RBBP6: variants seen among roughly 807,000 people sequenced by gnomAD.
The protein encoded by RBBP6 is RB binding protein 6, ubiquitin ligase.
Under a neutral mutation model 167.7 loss-of-function variants are expected in RBBP6, and 25 were observed. That is an observed-to-expected ratio of 0.15 (90% confidence interval 0.11 to 0.21). RBBP6 has a LOEUF of 0.21. Among genes scored for constraint, RBBP6 ranks in the 10% least tolerant of loss-of-function variants. The pLI is 1.00. For synonymous variants in RBBP6, 789 were observed against 735.8 expected, an observed-to-expected ratio of 1.07 and a Z score of -1.17; for missense variants, 1,868 against 2,134.2, an observed-to-expected ratio of 0.88 and a Z score of 2.46.
chr16:24,569,710 G>C lies in RBBP6; in HGVS notation c.3020G>C (p.Arg1007Thr). The change falls in exon 17 of 18, where the codon AGA (arginine) becomes ACA (threonine). Residue 1007 changes from arginine to threonine, a missense_variant. Coordinates refer to ENST00000319715, the MANE Select transcript of RBBP6 (RefSeq NM_006910.5). ...AAATCAGTGTCTGAAAAAGACAAGA[G>C]AGAAAGGGATAAACCAAAAGCAAAG... The part of the protein sequence containing the change: ...TFKSVSEKDK[R>T]ERDKPKAKGD... 6.2e-7 allele frequency: 1 copy of C among 1,614,006 alleles called. No homozygotes were observed. The highest frequency in any genetic ancestry group is 2.2e-5 in the East Asian group (1 of 44,868).
intron 2 of RBBP6, among the ~76,000 whole-genome samples, chr16:24,547,732 A>G (rs915463255): frequency 1.3e-5 from 2 of 152,230 alleles, no homozygotes; most frequent in Non-Finnish European, 2.9e-5. Flanking sequence ...CTGAGATTAC[A>G]GGCGTGAGCC....
At chr16:24,542,844 C>T (rs1898538999) in intron 1 of RBBP6, among the ~76,000 whole-genome samples, 1 of 151,832 alleles carries the variant, frequency 6.6e-6, no homozygotes, top group Admixed American at 6.6e-5. Flanking sequence ...TTTTCCTAGC[C>T]CAGGAAATAA....
At chr16:24,546,876 TTAAA>T (rs1339613175) in intron 2 of RBBP6, among the ~76,000 whole-genome samples, 1 of 152,170 alleles carries the variant, frequency 6.6e-6, no homozygotes, top group African/African-American at 2.4e-5. Context: ...GTTGTAAGAA[TTAAA>T]TAGTGTCTGG....
intron 7 of RBBP6, among the ~76,000 whole-genome samples, chr16:24,559,069 AGGGGAGATTTTTTG>A (rs1898987019): frequency 6.6e-6 from 1 of 152,150 alleles, no homozygotes; most frequent in Non-Finnish European, 1.5e-5. Flanking sequence ...GTTATGGAGA[AGGGGAGATTTTTTG>A]GGATTTTTAA....
chr16:24,561,910 G>A lies in RBBP6; in HGVS notation c.1038G>A (p.Pro346=), dbSNP rs747859597. 13 of 1,613,266 alleles carry A rather than the reference G, an allele frequency of 8.1e-6. No individual in the cohort carries two copies. Among genetic ancestry groups the A allele is most frequent in the African/African-American group, 1.3e-5 (1 of 74,694 alleles). ...CTCCACCACCCCCAATACCACCTCC[G>A]AGACCACTGATTCAGAGGAACCTAC... ...LPPPPPPIPP[P]RPLIQRNLQP... Residue 346 remains proline (P), a synonymous_variant, in exon 10 of 18, where the codon CCG becomes CCA. Transcript: ENST00000319715.
At chr16:24,549,499 C>A in intron 3 of RBBP6, 1 of 494,054 alleles carries the variant, frequency 2.0e-6, no homozygotes, top group Non-Finnish European at 2.6e-6. Context: ...ACATGCAAAG[C>A]TTATATTAAA....
At chr16:24,554,410 A>C (rs1441644538) in intron 4 of RBBP6, 1 of 152,032 alleles carries the variant, frequency 6.6e-6, no homozygotes, top group Non-Finnish European at 1.5e-5. Context: ...TTTAGCAACC[A>C]AGATTAATGA....
In RBBP6 at chr16:24,570,147, GA is replaced by G; in HGVS notation, c.3462del (p.Gly1155AlafsTer2). ...AGAAAAAAGAAAAAGAAAAACTGAA[GA>G]AAAAGGCGTAGATAAAGATTTTGAG... ...KGEKRKRKTE[E>X]KGVDKDFESS... On this transcript the variant is annotated frameshift_variant, in exon 17 of 18. Coordinates refer to ENST00000319715, the MANE Select transcript of RBBP6 (RefSeq NM_006910.5). LOFTEE classifies it high-confidence loss of function. The G allele has an allele frequency of 6.3e-7, 1 of 1,587,746 alleles. No homozygotes were observed. The highest frequency in any genetic ancestry group is 1.2e-5 in the South Asian group (1 of 84,982).
At position 24,571,426 on chromosome 16, in the gene RBBP6, G is replaced by A; in HGVS notation, c.4360G>A (p.Asp1454Asn). 6.2e-7 allele frequency: 1 copy of A among 1,613,468 alleles called. No individual in the cohort carries two copies. Among genetic ancestry groups the A allele is most frequent in the South Asian group, 1.1e-5 (1 of 90,910 alleles). The change falls in exon 18 of 18, where the codon GAT becomes AAT. Residue 1454 changes from aspartate (D) to asparagine (N), a missense_variant. By Grantham distance (23) the Asp-to-Asn change is conservative. Coordinates refer to ENST00000319715, the MANE Select transcript of RBBP6 (RefSeq NM_006910.5). ...ATCTTCCAAAGAGGCTAGAACGTCA[G>A]ATAAACATGATTCCACTCGTGCTTC... The part of the protein sequence containing the change: ...SQSSKEARTS[D>N]KHDSTRASSN...
chr16:24,567,981 T>A lies in RBBP6; in HGVS notation c.2054+88T>A, dbSNP rs957762406. Reference sequence around the variant, plus strand: ...GCTATGGATATAAAGAACATTGCACTTAGGAATTTTTCTGATTCGGTCTAG... The same window carrying A: ...GCTATGGATATAAAGAACATTGCACATAGGAATTTTTCTGATTCGGTCTAG... On this transcript the variant is annotated intron_variant, in intron 16 of 17. Transcript: ENST00000319715. 2.7e-6 allele frequency: 3 copies of A among 1,110,480 alleles called. No homozygotes were observed. The African/African-American group carries it at 4.8e-5, about 18-fold the overall frequency. 68.8% of individuals were successfully genotyped at this position (1,110,480 alleles called of 1,614,324 possible).
chr16:24,570,095 G>C lies in RBBP6; in HGVS notation c.3405G>C (p.Glu1135Asp), dbSNP rs112763526. 4.7e-5 allele frequency: 75 copies of C among 1,601,878 alleles called. 3 individuals carry two copies. The Middle Eastern group carries it at 3.7e-3, about 78-fold the overall frequency. Residue 1135 changes from glutamate (E) to aspartate (D), a missense_variant, in exon 17 of 18, where the codon GAG (glutamate) becomes GAC (aspartate). Transcript: ENST00000319715. ...TKEEKAKKPN[E>D]KNKPLDNKGE... ...AAGAAAAGGCCAAGAAGCCTAATGA[G>C]AAAAACAAACCACTTGATAATAAGG... is the stretch of plus-strand genomic sequence containing the variant.
intron 17 of RBBP6, 128 bp from the exon 18 acceptor site, chr16:24,570,748 A>G: frequency 1.1e-6 from 1 of 897,944 alleles, no homozygotes; most frequent in East Asian, 2.9e-5. Flanking sequence ...TTAGGGCAGA[A>G]TAAGTTTTTT....
intron 2 of RBBP6, 141 bp downstream of exon 2, chr16:24,546,403 G>A: frequency 3.7e-6 from 4 of 1,082,390 alleles, no homozygotes; most frequent in Non-Finnish European, 4.7e-6. Flanking sequence ...AGGATAGTAG[G>A]TTTCTTTGTT....
intron 1 of RBBP6, among the ~76,000 whole-genome samples, chr16:24,542,147 T>C (rs924092128): frequency 6.6e-6 from 1 of 152,208 alleles, no homozygotes; most frequent in East Asian, 1.9e-4. Context: ...TGTAATCCTC[T>C]GCCTAAGGAG....
chr16:24,552,926 C>G (rs1276867544), intron 3 of RBBP6: 1 of 151,828 alleles, frequency 6.6e-6, no homozygotes, highest in Non-Finnish European at 1.5e-5. Context: ...ATTGTTTTCC[C>G]TTTTTTTGAC....
In RBBP6 at chr16:24,571,265, A is replaced by T. The variant is rs533562813; in HGVS notation, c.4199A>T (p.Lys1400Ile). Reference sequence around the variant, plus strand: ...TCAAAAAACTCTGCATCTAGTGAAAAAGGGAAAACCAAAGATCGAGATTAT... The same window carrying T: ...TCAAAAAACTCTGCATCTAGTGAAATAGGGAAAACCAAAGATCGAGATTAT... ...KSSKNSASSE[K>I]GKTKDRDYSV... Residue 1400 changes from lysine to isoleucine, a missense_variant, in exon 18 of 18, where the codon AAA (lysine) becomes ATA (isoleucine). By Grantham distance (102) the Lys-to-Ile change is moderately radical (BLOSUM62 -3). Transcript: ENST00000319715. The T allele has an allele frequency of 5.6e-6, 9 of 1,612,832 alleles. No individual in the cohort carries two copies. The highest frequency in any genetic ancestry group is 1.7e-4 in the Middle Eastern group (1 of 6,056).
rs1201285695 is a variant in RBBP6, at chr16:24,562,154, C to G, written c.1282C>G (p.Pro428Ala). ...ISVHSEKSDG[P>A]FRDSDNKILP... The stretch of plus-strand genomic sequence containing the variant: ...AGTTCATTCAGAAAAATCAGATGGA[C>G]CTTTTCGGTAAGCCTGTGTGTTTTT... Residue 428 changes from proline (P) to alanine (A), a missense_variant, in exon 10 of 18, where the codon CCT (proline) becomes GCT (alanine). By Grantham distance (27) the Pro-to-Ala change is conservative (BLOSUM62 -1). This residue lies in a region of RBBP6 where 245 missense variants were observed against 240.1 expected (regional missense o/e 1.02). Transcript: ENST00000319715. 1 of 1,602,466 alleles carries G rather than the reference C, an allele frequency of 6.2e-7. No homozygotes were observed. The highest frequency in any genetic ancestry group is 2.2e-5 in the East Asian group (1 of 44,822).
chr16:24,548,919 AT>A, intron 2 of RBBP6, 25 bp from the exon 3 acceptor site: 1 of 1,576,642 alleles, frequency 6.3e-7, no homozygotes, highest in Non-Finnish European at 8.7e-7. Context: ...GCTAATGTTA[AT>A]TTTTGTTTTT....
intron 7 of RBBP6, among the ~76,000 whole-genome samples, chr16:24,557,843 A>G (rs1413421762): frequency 6.6e-6 from 1 of 152,226 alleles, no homozygotes; most frequent in Non-Finnish European, 1.5e-5. Context: ...ATGCCATAGA[A>G]TGATATTGAA....
Sources: allele counts gnomAD v4.1 joint callset (sites outside exome capture counted in the v4.1 genomes callset), GRCh38; gene constraint gnomAD v4.1.1; regional missense constraint gnomAD v4.1.1; transcripts MANE v1.5; gene names NCBI Gene and HGNC (gene_info 2026-07-23, HGNC 2026-07-21).